Variants in GLCCI1 observed in about 807,000 individuals in gnomAD.
GLCCI1 encodes glucocorticoid induced 1, also known as glucocorticoid-induced transcript 1 protein.
A neutral mutation model predicts 52.2 loss-of-function variants in GLCCI1; 24 were observed. The observed-to-expected ratio is 0.46, with a 90% confidence interval of 0.33 to 0.65. The LOEUF is 0.65. Among genes scored for constraint, GLCCI1 ranks in the 30% least tolerant of loss-of-function variants. GLCCI1 has a pLI of 0.02. For synonymous variants in GLCCI1, 310 were observed against 276.5 expected, an observed-to-expected ratio of 1.12 and a Z score of -1.20; for missense variants, 704 against 701.5, an observed-to-expected ratio of 1.00 and a Z score of -0.04.
chr7:8,056,315 TA>T (rs757565273), intron 4 of GLCCI1, among the ~76,000 whole-genome samples: 9 of 152,116 alleles, frequency 5.9e-5, no homozygotes, highest in Non-Finnish European at 1.2e-4. Flanking sequence ...AGCCTTCTCT[TA>T]ATAACAGATA....
chr7:8,053,139 G>A lies in GLCCI1; in HGVS notation c.697-2294G>A, dbSNP rs534690404. 8.7e-4 allele frequency among the ~76,000 whole-genome samples: 132 copies of A among 151,892 alleles called. 3 individuals carry two copies. In the South Asian group the frequency reaches 0.027, roughly 31 times the overall value. ...TCAAAAAATGTGTTTCTGGTTCTCA[G>A]ATGTTAAGTAAGGCCAGTTTCTGTT... On this transcript the variant is annotated intron_variant, in intron 3 of 7. Coordinates refer to ENST00000223145, the MANE Select transcript of GLCCI1 (RefSeq NM_138426.4).
In GLCCI1 at chr7:7,975,195, A is replaced by G. The variant is rs150307476; in HGVS notation, c.457+5388A>G. ...TGCTTATTCTGAAAGACAAATTATAATGGATTAGCAGTAATTCTGAAAAAT... is the reference window on the plus strand; with the variant it reads ...TGCTTATTCTGAAAGACAAATTATAGTGGATTAGCAGTAATTCTGAAAAAT... On this transcript the variant is annotated intron_variant, in intron 1 of 7. Transcript: ENST00000223145. Among the ~76,000 whole-genome samples, 133 of 152,290 alleles carry G rather than the reference A, an allele frequency of 8.7e-4. 1 individual carries two copies. Among genetic ancestry groups the G allele is most frequent in the African/African-American group, 3.0e-3 (124 of 41,566 alleles).
chr7:7,996,503 A>G (rs1780940975), intron 1 of GLCCI1, among the ~76,000 whole-genome samples: 1 of 152,098 alleles, frequency 6.6e-6, no homozygotes, highest in African/African-American at 2.4e-5. Context: ...TTGTAGCCAT[A>G]TTAGTGAAGT....
rs767214650 is a variant in GLCCI1 at position 8,055,427 on chromosome 7, C to G, written c.697-6C>G. The G allele has an allele frequency of 5.0e-6, 8 of 1,594,782 alleles. No homozygotes were observed. The South Asian group carries it at 8.8e-5, about 18-fold the overall frequency. ...TCTTCTTACTTCTCTTTCCCTGTCC[C>G]CAAAGCAGATCGCCAAACTGAGGCA... On this transcript the variant is annotated splice_polypyrimidine_tract_variant and splice_region_variant and intron_variant, in intron 3 of 7. Coordinates refer to ENST00000223145, the MANE Select transcript of GLCCI1 (RefSeq NM_138426.4).
chr7:8,043,447 A>G (rs1465150644), intron 3 of GLCCI1, among the ~76,000 whole-genome samples: 3 of 152,238 alleles, frequency 2.0e-5, no homozygotes, highest in Non-Finnish European at 4.4e-5. Context: ...ATAGCTTGCC[A>G]ATCCTTGCTA....
chr7:8,009,057 G>A (rs1781209967), intron 2 of GLCCI1, among the ~76,000 whole-genome samples: 1 of 152,166 alleles, frequency 6.6e-6, no homozygotes, highest in African/African-American at 2.4e-5. Flanking sequence ...CGTTTATTCT[G>A]AGGATTATAA....
At chr7:8,068,299 G>A (rs1412670681) in intron 5 of GLCCI1, among the ~76,000 whole-genome samples, 4 of 152,114 alleles carry the variant, frequency 2.6e-5, no homozygotes, top group East Asian at 1.9e-4. Context: ...GCAGTGAGCC[G>A]AGATTGTGCC....
At chr7:8,012,182 C>A (rs1464199154) in intron 2 of GLCCI1, among the ~76,000 whole-genome samples, 1 of 152,010 alleles carries the variant, frequency 6.6e-6, no homozygotes, top group East Asian at 1.9e-4. Context: ...TAATAGTCAA[C>A]CTGGTATCTT....
chr7:8,052,881 A>G (rs907839674), intron 3 of GLCCI1, among the ~76,000 whole-genome samples: 1 of 152,128 alleles, frequency 6.6e-6, no homozygotes, highest in Non-Finnish European at 1.5e-5. Flanking sequence ...CCTTTAAGTT[A>G]AGATTTCCCA....
intron 3 of GLCCI1, among the ~76,000 whole-genome samples, chr7:8,029,429 C>CT (rs1308354558): frequency 1.3e-5 from 2 of 152,106 alleles, no homozygotes; most frequent in Non-Finnish European, 2.9e-5. Context: ...AAAAAACTGG[C>CT]TGTAGAAGGA....
intron 1 of GLCCI1, among the ~76,000 whole-genome samples, chr7:7,975,838 A>G (rs907994634): frequency 2.6e-5 from 4 of 152,348 alleles, no homozygotes; most frequent in African/African-American, 9.6e-5. Flanking sequence ...GTTTCTGAAG[A>G]TAGGAACATG....
At chr7:8,008,651 C>CT (rs1431113447) in intron 2 of GLCCI1, among the ~76,000 whole-genome samples, 2 of 152,104 alleles carry the variant, frequency 1.3e-5, no homozygotes, top group African/African-American at 2.4e-5. Context: ...TTTATCGGAA[C>CT]TTACCCAAGT....
rs1783173207 is a variant in GLCCI1 at position 8,088,756 on chromosome 7, TACTA to T, written c.*2220_*2223del. 1 of 152,658 alleles carries T rather than the reference TACTA, an allele frequency of 6.6e-6. No homozygotes were observed. Among genetic ancestry groups the T allele is most frequent in the Non-Finnish European group, 1.5e-5 (1 of 68,042 alleles). 9.5% of individuals were successfully genotyped at this position (152,658 alleles called of 1,614,324 possible). A position where few individuals can be genotyped will look rare whatever the true frequency, so the allele number is the denominator to read the frequency against. ...GATGTGCTTTTATTTTCTCATGAGA[TACTA>T]AATATTAATTGTGTTGTACATTTGT... On this transcript the variant is annotated 3_prime_UTR_variant, in exon 8 of 8. Coordinates refer to ENST00000223145, the MANE Select transcript of GLCCI1 (RefSeq NM_138426.4).
intron 3 of GLCCI1, among the ~76,000 whole-genome samples, chr7:8,044,567 C>T (rs915992030): frequency 3.3e-5 from 5 of 152,018 alleles, no homozygotes; most frequent in South Asian, 4.1e-4. Flanking sequence ...GACAATTTTT[C>T]GGCATGTTGC....
At chr7:8,005,083 A>G (rs1467006852) in intron 2 of GLCCI1, among the ~76,000 whole-genome samples, 1 of 152,140 alleles carries the variant, frequency 6.6e-6, no homozygotes, top group Non-Finnish European at 1.5e-5. Context: ...GAGGAAGAGG[A>G]TAAGTTTAAT....
At chr7:8,022,243 G>C (rs1028918358) in intron 2 of GLCCI1, among the ~76,000 whole-genome samples, 1 of 152,018 alleles carries the variant, frequency 6.6e-6, no homozygotes, top group Non-Finnish European at 1.5e-5. Flanking sequence ...TTATGTTATT[G>C]ATGTGAAGAT....
At chr7:8,020,791 A>C (rs1005578075) in intron 2 of GLCCI1, among the ~76,000 whole-genome samples, 16 of 152,184 alleles carry the variant, frequency 1.1e-4, no homozygotes, top group Non-Finnish European at 1.8e-4. Flanking sequence ...GACAGGTAAA[A>C]CCATTAAGTT....
At chr7:8,010,260 TAAC>T (rs1439584123) in intron 2 of GLCCI1, among the ~76,000 whole-genome samples, 2 of 152,350 alleles carry the variant, frequency 1.3e-5, no homozygotes, top group African/African-American at 4.8e-5. Flanking sequence ...TATTCAGTCT[TAAC>T]AAGAGAAACC....
At chr7:7,981,951 G>C (rs766038872) in intron 1 of GLCCI1, 1 of 439,042 alleles carries the variant, frequency 2.3e-6, no homozygotes, top group East Asian at 6.9e-5. Context: ...AGAAGATGAA[G>C]ACTACATACC....
Sources: allele counts gnomAD v4.1 joint callset (sites outside exome capture counted in the v4.1 genomes callset), GRCh38; gene constraint gnomAD v4.1.1; transcripts MANE v1.5; gene names NCBI Gene and HGNC (gene_info 2026-07-23, HGNC 2026-07-21).